CCDC192: variants seen among roughly 807,000 people sequenced by gnomAD.
The protein encoded by CCDC192 is coiled-coil domain-containing protein 192.
intron 2 of CCDC192, among the ~76,000 whole-genome samples, chr5:127,738,026 C>G (rs1157639748): frequency 6.6e-6 from 1 of 151,738 alleles, no homozygotes; most frequent in Non-Finnish European, 1.5e-5. Flanking sequence ...TTCCTAGTCT[C>G]GATGGTCCTT....
At chr5:127,718,977 A>G (rs1470252485) in intron 2 of CCDC192, among the ~76,000 whole-genome samples, 1 of 152,112 alleles carries the variant, frequency 6.6e-6, no homozygotes, top group Non-Finnish European at 1.5e-5. Flanking sequence ...CTGTTGTGCT[A>G]TCAAATACTA....
chr5:127,729,859 G>A (rs1752539770), intron 2 of CCDC192, among the ~76,000 whole-genome samples: 1 of 152,084 alleles, frequency 6.6e-6, no homozygotes, highest in South Asian at 2.1e-4. Flanking sequence ...TCTCTGGGAT[G>A]CAGCTACAGT....
intron 5 of CCDC192, among the ~76,000 whole-genome samples, chr5:127,864,598 G>T (rs1206955441): frequency 1.3e-5 from 2 of 152,178 alleles, no homozygotes; most frequent in Non-Finnish European, 2.9e-5. Flanking sequence ...TGTATGTGAT[G>T]ATTTGTTTTA....
At chr5:127,885,075 C>T (rs892538226) in intron 6 of CCDC192, among the ~76,000 whole-genome samples, 2 of 151,322 alleles carry the variant, frequency 1.3e-5, no homozygotes, top group Admixed American at 6.6e-5. Flanking sequence ...TGTTCCCTTC[C>T]TTCTGTCCAT....
intron 2 of CCDC192, among the ~76,000 whole-genome samples, chr5:127,723,001 G>A (rs1554068521): frequency 1.3e-5 from 2 of 151,968 alleles, no homozygotes; most frequent in Non-Finnish European, 2.9e-5. Context: ...GAATTTCGTT[G>A]TCATTTTGTT....
intron 6 of CCDC192, among the ~76,000 whole-genome samples, chr5:127,920,360 A>T (rs925764712): frequency 1.7e-4 from 26 of 151,598 alleles, no homozygotes; most frequent in Admixed American, 1.5e-3. Flanking sequence ...CATCATTATG[A>T]TCATCAATCA....
chr5:127,790,991 T>C (rs114937102), intron 3 of CCDC192, among the ~76,000 whole-genome samples: 4 of 152,332 alleles, frequency 2.6e-5, no homozygotes, highest in Non-Finnish European at 4.4e-5. Context: ...CCAATTTCTA[T>C]ATATTGTAAT....
chr5:127,749,802 G>T (rs186005167), intron 2 of CCDC192, among the ~76,000 whole-genome samples: 1 of 152,142 alleles, frequency 6.6e-6, no homozygotes, highest in African/African-American at 2.4e-5. Context: ...CCTGTTATTG[G>T]TCTATTCAGA....
intron 2 of CCDC192, among the ~76,000 whole-genome samples, chr5:127,720,627 C>T (rs1186691361): frequency 6.6e-6 from 1 of 152,240 alleles, no homozygotes; most frequent in Non-Finnish European, 1.5e-5. Flanking sequence ...CTATATTTCT[C>T]CTCCACACTG....
chr5:127,729,936 G>A (rs1026084110), intron 2 of CCDC192, among the ~76,000 whole-genome samples: 4 of 151,994 alleles, frequency 2.6e-5, no homozygotes, highest in South Asian at 2.1e-4. Flanking sequence ...ATCTCAAATC[G>A]ACATCGTAAT....
At chr5:127,885,106 TG>T (rs1752515225) in intron 6 of CCDC192, among the ~76,000 whole-genome samples, 1 of 96,372 alleles carries the variant, frequency 1.0e-5, no homozygotes. Context: ...TGGTACTTTT[TG>T]TTTGTTTGTT....
rs71223028 is a variant in CCDC192, at chr5:127,724,847, C to CAA, written c.114+17102_114+17103dup. On this transcript the variant is annotated intron_variant, in intron 2 of 6. Coordinates refer to ENST00000514853, the MANE Select transcript of CCDC192 (RefSeq NM_001317938.2). ...CTGGTGACAGAGTGAGACTCCGTCT[C>CAA]AAAAAAAAAAAAAAAAGAAGAAAAG... is the stretch of plus-strand genomic sequence containing the variant. Among the ~76,000 whole-genome samples the CAA allele has an allele frequency of 8.0e-3, 966 of 120,644 alleles. 11 individuals carry two copies. The highest frequency in any genetic ancestry group is 0.019 in the African/African-American group (591 of 30,350). 79.1% of individuals were successfully genotyped at this position (120,644 alleles called of 152,430 possible).
At chr5:127,928,844 C>A (rs1037610634) in intron 6 of CCDC192, among the ~76,000 whole-genome samples, 4 of 152,020 alleles carry the variant, frequency 2.6e-5, no homozygotes, top group Non-Finnish European at 5.9e-5. Flanking sequence ...TGGCTCACTG[C>A]AACCTCTGCC....
intron 2 of CCDC192, among the ~76,000 whole-genome samples, chr5:127,717,983 T>G (rs1301658929): frequency 7.2e-6 from 1 of 139,856 alleles, no homozygotes; most frequent in Non-Finnish European, 1.6e-5. Flanking sequence ...AAACACAGAA[T>G]TAAATCTAAG....
At chr5:127,786,541 T>C (rs1756548947) in intron 3 of CCDC192, 3 of 651,548 alleles carry the variant, frequency 4.6e-6, no homozygotes, top group Non-Finnish European at 8.6e-6. Flanking sequence ...GTGGCCTAAA[T>C]GGTCTCTCCA....
chr5:127,913,758 A>G (rs916908964), intron 6 of CCDC192, among the ~76,000 whole-genome samples: 4 of 152,250 alleles, frequency 2.6e-5, no homozygotes, highest in Non-Finnish European at 4.4e-5. Flanking sequence ...ATAAAACCAG[A>G]TGAACTGCCT....
At chr5:127,783,522 G>T (rs1415351747) in intron 3 of CCDC192, among the ~76,000 whole-genome samples, 1 of 152,134 alleles carries the variant, frequency 6.6e-6, no homozygotes, top group Non-Finnish European at 1.5e-5. Context: ...ATTTATTAAG[G>T]CTCATTTTGT....
chr5:127,795,781 A>C (rs944389586), intron 3 of CCDC192, among the ~76,000 whole-genome samples: 9 of 152,050 alleles, frequency 5.9e-5, no homozygotes, highest in African/African-American at 1.2e-4. Flanking sequence ...TTTTAACCCA[A>C]AGGATAAAGA....
chr5:127,889,341 C>T (rs1364620429), intron 6 of CCDC192, among the ~76,000 whole-genome samples: 2 of 151,930 alleles, frequency 1.3e-5, no homozygotes, highest in African/African-American at 2.4e-5. Context: ...TACTCTTATC[C>T]CTTTTAAATG....
Sources: gnomAD v4.1 joint callset for allele counts (sites outside exome capture counted in the v4.1 genomes callset) on GRCh38, gnomAD v4.1.1 for gene constraint, MANE v1.5 for transcripts, NCBI Gene and HGNC (gene_info 2026-07-23, HGNC 2026-07-21) for gene names.